The following SCARA5 variants were observed in gnomAD, a reference collection of about 807,000 sequenced individuals.
The protein encoded by SCARA5 is scavenger receptor class A member 5, also known as scavenger receptor class A, member 5 (putative).
SCARA5 carries 45 observed loss-of-function variants against 46.3 expected under a neutral mutation model. That is an observed-to-expected ratio of 0.97 (90% CI 0.76 to 1.24). The LOEUF (loss-of-function observed/expected upper bound fraction) is 1.24. Among genes scored for constraint, SCARA5 ranks in the 50% most tolerant of loss-of-function variants. The pLI, the probability that SCARA5 is intolerant of heterozygous loss-of-function variation, is 0.00. For synonymous variants in SCARA5, 333 were observed against 306.5 expected, an observed-to-expected ratio of 1.09 and a Z score of -0.90; for missense variants, 680 against 689.0, an observed-to-expected ratio of 0.99 and a Z score of 0.15.
At chr8:27,948,070 T>C (rs1224887546) in intron 3 of SCARA5, among the ~76,000 whole-genome samples, 3 of 152,116 alleles carry the variant, frequency 2.0e-5, no homozygotes, top group East Asian at 3.8e-4. Context: ...TGCACGGCAA[T>C]GTAAACATGC....
chr8:27,915,724 A>G (rs1807450641), intron 4 of SCARA5, among the ~76,000 whole-genome samples: 1 of 152,204 alleles, frequency 6.6e-6, no homozygotes, highest in South Asian at 2.1e-4. Flanking sequence ...TGTCCCAGCC[A>G]GGTCACTGGA....
intron 3 of SCARA5, among the ~76,000 whole-genome samples, chr8:27,923,477 GAC>G (rs1807632434): frequency 2.0e-5 from 3 of 152,226 alleles, no homozygotes; most frequent in Admixed American, 6.5e-5. Flanking sequence ...TGATTGGACA[GAC>G]ACAATCCAAT....
chr8:27,907,361 T>C lies in SCARA5; in HGVS notation c.998-115A>G. ...CCCATGCATCCTCTCTTAGCCTCTGTGTCTGGCTTTTTTCTGTTAATCTAA... is the reference window on the plus strand; with the variant it reads ...CCCATGCATCCTCTCTTAGCCTCTGCGTCTGGCTTTTTTCTGTTAATCTAA... On this transcript the variant is annotated intron_variant, in intron 5 of 8. Coordinates refer to ENST00000354914, the MANE Select transcript of SCARA5 (RefSeq NM_173833.6). 6 of 655,108 alleles carry C rather than the reference T, an allele frequency of 9.2e-6. No individual in the cohort carries two copies. The South Asian group carries it at 1.3e-4, about 14-fold the overall frequency. 40.6% of individuals were successfully genotyped at this position (655,108 alleles called of 1,614,324 possible). A position where few individuals can be genotyped will look rare whatever the true frequency, so the allele number is the denominator to read the frequency against.
At chr8:27,902,307 G>T (rs189182088) in intron 7 of SCARA5, among the ~76,000 whole-genome samples, 11 of 152,146 alleles carry the variant, frequency 7.2e-5, no homozygotes, top group Admixed American at 7.2e-4. Flanking sequence ...AGTGGAGGGG[G>T]TGGCCTCCCC....
chr8:27,877,987 T>A (rs1307099415), intron 8 of SCARA5, among the ~76,000 whole-genome samples: 1 of 152,182 alleles, frequency 6.6e-6, no homozygotes, highest in Non-Finnish European at 1.5e-5. Context: ...CGAGTCCCCA[T>A]CTGGAAGGGA....
At chr8:27,882,291 C>T (rs1233770462) in intron 7 of SCARA5, among the ~76,000 whole-genome samples, 3 of 152,166 alleles carry the variant, frequency 2.0e-5, no homozygotes, top group African/African-American at 4.8e-5. Flanking sequence ...CATCCATTCA[C>T]CTACTGAAAA....
At chr8:27,928,070 C>T (rs182790900) in intron 3 of SCARA5, among the ~76,000 whole-genome samples, 1 of 152,298 alleles carries the variant, frequency 6.6e-6, no homozygotes, top group African/African-American at 2.4e-5. Context: ...AGGGCAGCCT[C>T]CTTTTTTGGG....
Position 27,959,858 on chromosome 8 carries a change from G to C in SCARA5, c.241+6556C>G, listed in dbSNP as rs544360249. ...TGAAGCTAAGCATCTCCGTGCCATG[G>C]GTGGAGCCATTGCTGGCTCCATCGC... On this transcript the variant is annotated intron_variant, in intron 3 of 8. Transcript: ENST00000354914. 3.3e-5 allele frequency among the ~76,000 whole-genome samples: 5 copies of C among 152,296 alleles called. No individual in the cohort carries two copies. In the South Asian group the frequency reaches 1.0e-3, roughly 32 times the overall value.
At chr8:27,928,681 A>C (rs928875333) in intron 3 of SCARA5, among the ~76,000 whole-genome samples, 4 of 150,502 alleles carry the variant, frequency 2.7e-5, no homozygotes, top group Non-Finnish European at 5.9e-5. Context: ...TTCTTTCTTT[A>C]TTGAGACAGA....
chr8:27,940,251 T>A (rs1043272892), intron 3 of SCARA5, among the ~76,000 whole-genome samples: 2 of 152,184 alleles, frequency 1.3e-5, no homozygotes, highest in African/African-American at 4.8e-5. Context: ...CGAGTAAGCA[T>A]GTGAGAAATC....
intron 3 of SCARA5, among the ~76,000 whole-genome samples, chr8:27,923,717 A>T (rs1807637106): frequency 6.6e-6 from 1 of 152,172 alleles, no homozygotes; most frequent in Non-Finnish European, 1.5e-5. Context: ...CTGGGACTAC[A>T]GGTGCATGCC....
At chr8:27,983,682 C>T (rs1161790917) in intron 2 of SCARA5, among the ~76,000 whole-genome samples, 7 of 152,174 alleles carry the variant, frequency 4.6e-5, no homozygotes, top group Non-Finnish European at 8.8e-5. Context: ...CTGACCTCTC[C>T]GGTCTCAGTG....
intron 7 of SCARA5, among the ~76,000 whole-genome samples, chr8:27,894,106 G>C (rs895200760): frequency 6.6e-6 from 1 of 152,238 alleles, no homozygotes; most frequent in Admixed American, 6.5e-5. Flanking sequence ...AGGTCCCGTC[G>C]TGCACAGGCT....
intron 7 of SCARA5, among the ~76,000 whole-genome samples, chr8:27,896,753 C>T (rs933147665): frequency 6.6e-6 from 1 of 152,106 alleles, no homozygotes; most frequent in Admixed American, 6.5e-5. Context: ...ACTATGGCTT[C>T]GTCTGTCTCT....
intron 3 of SCARA5, among the ~76,000 whole-genome samples, chr8:27,957,885 G>A (rs1808229877): frequency 1.3e-5 from 2 of 152,208 alleles, no homozygotes; most frequent in Non-Finnish European, 2.9e-5. Flanking sequence ...GTTGGCAAAT[G>A]GTTTTCTTGT....
intron 7 of SCARA5, among the ~76,000 whole-genome samples, chr8:27,894,967 C>T (rs1162956042): frequency 6.6e-6 from 1 of 152,108 alleles, no homozygotes; most frequent in Non-Finnish European, 1.5e-5. Flanking sequence ...ACTAAATACC[C>T]CAAAACCTGC....
chr8:27,948,580 A>T (rs1166054103), intron 3 of SCARA5, among the ~76,000 whole-genome samples: 1 of 152,102 alleles, frequency 6.6e-6, no homozygotes, highest in Non-Finnish European at 1.5e-5. Context: ...TGTGTTTGGG[A>T]TTTGAGCAGC....
At chr8:27,911,209 G>A (rs1807368845) in intron 4 of SCARA5, among the ~76,000 whole-genome samples, 1 of 150,026 alleles carries the variant, frequency 6.7e-6, no homozygotes, top group Admixed American at 6.7e-5. Context: ...TGAGCTGCTT[G>A]AATGCATGTG....
At chr8:27,939,536 G>A (rs1807909199) in intron 3 of SCARA5, among the ~76,000 whole-genome samples, 2 of 152,168 alleles carry the variant, frequency 1.3e-5, no homozygotes, top group Non-Finnish European at 2.9e-5. Flanking sequence ...GCAATGTCAG[G>A]CCTGTAAGAG....
Sources: allele counts gnomAD v4.1 joint callset (sites outside exome capture counted in the v4.1 genomes callset), GRCh38; gene constraint gnomAD v4.1.1; transcripts MANE v1.5; gene names NCBI Gene and HGNC (gene_info 2026-07-23, HGNC 2026-07-21).